RFC3: variants seen among roughly 807,000 people sequenced by gnomAD.
The protein encoded by RFC3 is A1 38 kDa subunit.
In RFC3, 41 loss-of-function variants were observed where a neutral mutation model predicts 45.1. The ratio of observed to expected loss-of-function variants is 0.91; its 90% CI spans 0.71 to 1.18. RFC3 has a LOEUF of 1.18. RFC3 is among the 50% of genes most tolerant of loss of function. The pLI is 0.00. For missense variants in RFC3, 423 were observed against 428.1 expected, an observed-to-expected ratio of 0.99 and a Z score of 0.10; for synonymous variants, 149 against 144.0, an observed-to-expected ratio of 1.03 and a Z score of -0.25.
intron 8 of RFC3, among the ~76,000 whole-genome samples, chr13:33,925,509 TAC>T (rs2082803614): frequency 1.4e-5 from 2 of 144,210 alleles, no homozygotes; most frequent in South Asian, 2.2e-4. Context: ...TATACATACA[TAC>T]ATAGTGTACT....
intron 8 of RFC3, among the ~76,000 whole-genome samples, chr13:33,961,307 C>T (rs970033914): frequency 6.6e-6 from 1 of 152,166 alleles, no homozygotes; most frequent in Non-Finnish European, 1.5e-5. Context: ...CTCGTCAAAG[C>T]CTCCATTACT....
Position 33,829,974 on chromosome 13 carries a change from G to A in RFC3, c.530G>A (p.Ser177Asn). The A allele has an allele frequency of 6.2e-7, 1 of 1,614,064 alleles. No individual in the cohort carries two copies. The highest frequency in any genetic ancestry group is 8.5e-7 in the Non-Finnish European group (1 of 1,179,904). Residue 177 changes from serine (S) to asparagine (N), a missense_variant, in exon 5 of 9, where the codon AGT (serine) becomes AAT (asparagine). Ser to Asn is a conservative substitution (Grantham distance 46). Transcript: ENST00000380071. Reference protein sequence around the residue: ...STSKVIPPIRSRCLAVRVPAP... With the variant: ...STSKVIPPIRNRCLAVRVPAP... ...TCTAAAGTGATCCCACCTATTCGTA[G>A]TAGGTGCTTGGCGGTTCGTGTGCCT...
rs3135577 is a variant in RFC3 at position 33,826,162 on chromosome 13, T to A, written c.391+276T>A. On this transcript the variant is annotated intron_variant, in intron 4 of 8. Coordinates refer to ENST00000380071, the MANE Select transcript of RFC3 (RefSeq NM_002915.4). ...CGAGTCATATGTTCATTATCAGATA[T>A]TTAGATAAAAAAGAAAATAATATCA... is the stretch of plus-strand genomic sequence containing the variant. Among the ~76,000 whole-genome samples the A allele has an allele frequency of 8.7e-3, 1,331 of 152,286 alleles. 32 individuals carry two copies. The highest frequency in any genetic ancestry group is 0.056 in the Admixed American group (854 of 15,284).
At chr13:33,883,146 G>T (rs192289691) in intron 8 of RFC3, among the ~76,000 whole-genome samples, 124 of 152,224 alleles carry the variant, frequency 8.1e-4, no homozygotes, top group Middle Eastern at 6.8e-3. Context: ...TGTAATTGAT[G>T]GGTCATGTGT....
intron 8 of RFC3, among the ~76,000 whole-genome samples, chr13:33,853,819 A>G (rs183850687): frequency 1.3e-5 from 2 of 152,304 alleles, no homozygotes; most frequent in Admixed American, 1.3e-4. Context: ...TGACTTTCTA[A>G]ACCCACAGGA....
chr13:33,974,998 G>A, the RFC3 span, among the ~76,000 whole-genome samples: 3 of 152,142 alleles, frequency 2.0e-5, no homozygotes, highest in Admixed American at 2.0e-4. Flanking sequence ...GAAGTTTCTT[G>A]TAAAGCTATA....
chr13:33,823,146 T>C (rs941210347), intron 2 of RFC3, among the ~76,000 whole-genome samples: 3 of 152,086 alleles, frequency 2.0e-5, no homozygotes, highest in Non-Finnish European at 2.9e-5. Flanking sequence ...AAACCTACTG[T>C]AGATGGGGAA....
Position 33,830,782 on chromosome 13 carries a change from C to T in RFC3, c.637C>T (p.His213Tyr), listed in dbSNP as rs2082094815. 4 of 1,612,684 alleles carry T rather than the reference C, an allele frequency of 2.5e-6. No homozygotes were observed. The highest frequency in any genetic ancestry group is 4.5e-5 in the East Asian group (2 of 44,862). Residue 213 changes from histidine (H) to tyrosine (Y), a missense_variant, in exon 6 of 9, where the codon CAT (histidine) becomes TAT (tyrosine). Physicochemically the swap from His to Tyr is moderately conservative, Grantham distance 83. Coordinates refer to ENST00000380071, the MANE Select transcript of RFC3 (RefSeq NM_002915.4). ...EGLNLPSQLAHRLAEKSCRNL... is the reference protein window; with the variant it reads ...EGLNLPSQLAYRLAEKSCRNL... Reference sequence around the variant, plus strand: ...TCTGAATCTTCCTTCACAACTGGCTCATAGACTTGCAGAGAAGTCTTGTAG... The same window carrying T: ...TCTGAATCTTCCTTCACAACTGGCTTATAGACTTGCAGAGAAGTCTTGTAG...
At chr13:33,855,343 G>T (rs901280740) in intron 8 of RFC3, among the ~76,000 whole-genome samples, 1 of 152,134 alleles carries the variant, frequency 6.6e-6, no homozygotes, top group African/African-American at 2.4e-5. Context: ...TAAAGAAATG[G>T]TGTCTATGTG....
chr13:33,824,032 T>G, intron 3 of RFC3, 48 bp downstream of exon 3: 1 of 932,858 alleles, frequency 1.1e-6, no homozygotes, highest in South Asian at 1.7e-5. Context: ...GAAATTGGTT[T>G]TGGGCTTTCT....
At chr13:33,965,698 A>T (rs980735591) in intron 8 of RFC3, among the ~76,000 whole-genome samples, 6 of 152,226 alleles carry the variant, frequency 3.9e-5, no homozygotes, top group African/African-American at 1.2e-4. Flanking sequence ...CTAAAGGTGT[A>T]TTGGATCACC....
chr13:33,835,571 A>G, intron 8 of RFC3: 1 of 447,314 alleles, frequency 2.2e-6, no homozygotes, highest in South Asian at 1.8e-5. Context: ...CGTTTTCACA[A>G]AGGTAACCAC....
At chr13:33,894,108 G>A (rs2082581378) in intron 8 of RFC3, among the ~76,000 whole-genome samples, 1 of 152,140 alleles carries the variant, frequency 6.6e-6, no homozygotes, top group Non-Finnish European at 1.5e-5. Flanking sequence ...AAGCAACACA[G>A]GAACAAACCA....
At position 33,876,134 on chromosome 13, in the gene RFC3, TC is replaced by T. The variant is rs138409431; in HGVS notation, c.879+40920del. Among the ~76,000 whole-genome samples, 1,228 of 152,228 alleles carry T rather than the reference TC, an allele frequency of 8.1e-3. 10 individuals are homozygous for T. Among genetic ancestry groups the T allele is most frequent in the African/African-American group, 0.028 (1,179 of 41,526 alleles). Reference sequence around the variant, plus strand: ...CCTTATTTTATTGTATTATTTCAGTTCCCACTCCTACCACCATGCCTGGAGT... The same window carrying T: ...CCTTATTTTATTGTATTATTTCAGTTCCACTCCTACCACCATGCCTGGAGT... On this transcript the variant is annotated intron_variant, in intron 8 of 8. Transcript: ENST00000434425.
intron 8 of RFC3, among the ~76,000 whole-genome samples, chr13:33,890,381 G>C (rs140157023): frequency 6.6e-6 from 1 of 152,032 alleles, no homozygotes; most frequent in Non-Finnish European, 1.5e-5. Flanking sequence ...TACCCTATAT[G>C]GGTAGTTCTG....
chr13:33,955,769 T>C (rs375267652), intron 8 of RFC3, among the ~76,000 whole-genome samples: 57 of 152,322 alleles, frequency 3.7e-4, no homozygotes, highest in African/African-American at 1.3e-3. Flanking sequence ...AATAACTTCA[T>C]GATGCTGGGC....
intron 8 of RFC3, among the ~76,000 whole-genome samples, chr13:33,867,558 C>T (rs1316355443): frequency 6.6e-6 from 1 of 152,228 alleles, no homozygotes; most frequent in Non-Finnish European, 1.5e-5. Flanking sequence ...AATAGGGCCT[C>T]ACTACCCAAA....
intron 8 of RFC3, among the ~76,000 whole-genome samples, chr13:33,882,420 C>T (rs564784673): frequency 1.7e-3 from 263 of 152,304 alleles, no homozygotes; most frequent in African/African-American, 6.0e-3. Flanking sequence ...TGTTGAAGCC[C>T]TAATCTCCAG....
At chr13:33,967,163 A>G (rs1256370246), downstream of RFC3, among the ~76,000 whole-genome samples, 1 of 152,010 alleles carries the variant, frequency 6.6e-6, no homozygotes, top group East Asian at 1.9e-4. Context: ...ACCTTAAAAA[A>G]TTAAAAAAAA....
Sources: allele counts gnomAD v4.1 joint callset (sites outside exome capture counted in the v4.1 genomes callset), GRCh38; gene constraint gnomAD v4.1.1; transcripts MANE v1.5; gene names NCBI Gene and HGNC (gene_info 2026-07-23, HGNC 2026-07-21).